The following TUB variants were observed in gnomAD, a reference collection of about 807,000 sequenced individuals.
The protein encoded by TUB is tubby protein homolog.
A neutral mutation model predicts 59.7 loss-of-function variants in TUB; 33 were observed. That is an observed-to-expected ratio of 0.55 (90% CI 0.42 to 0.74). The LOEUF is 0.74. Among genes scored for constraint, TUB ranks in the 30% least tolerant of loss-of-function variants. TUB has a pLI of 0.00. For missense variants in TUB, 659 were observed against 672.0 expected, an observed-to-expected ratio of 0.98 and a Z score of 0.21; for synonymous variants, 293 against 256.4, an observed-to-expected ratio of 1.14 and a Z score of -1.36.
In TUB at chr11:8,103,530, C is replaced by T. The variant is rs528741579; in HGVS notation, c.*1911C>T. 385 of 152,728 alleles carry T rather than the reference C, an allele frequency of 2.5e-3. 1 individual carries two copies. The highest frequency in any genetic ancestry group is 6.8e-3 in the Middle Eastern group (2 of 294). The allele number at this position is 152,728 out of a possible 1,614,324, so 9.5% of individuals were successfully genotyped here. On this transcript the variant is annotated 3_prime_UTR_variant, in exon 12 of 12. Transcript: ENST00000299506. The stretch of plus-strand genomic sequence containing the variant: ...GTTGAATGCTTAAAGCAAGGCATAC[C>T]TGTCCTAGCAGGATCTGCCCACACC...
rs1471563205 is a variant in TUB at position 8,102,369 on chromosome 11, C to A, written c.*750C>A. The A allele has an allele frequency of 6.6e-6, 1 of 152,206 alleles. No homozygotes were observed. The highest frequency in any genetic ancestry group is 1.5e-5 in the Non-Finnish European group (1 of 68,058). 9.4% of individuals were successfully genotyped at this position (152,206 alleles called of 1,614,324 possible). ...GGGCTGTCTTGGTGGATGGGCCCTG[C>A]AAGACACAGGCTCAGCATGCAGAAG... is the stretch of plus-strand genomic sequence containing the variant. On this transcript the variant is annotated 3_prime_UTR_variant, in exon 12 of 12. Coordinates refer to ENST00000299506, the MANE Select transcript of TUB (RefSeq NM_177972.3).
At position 8,063,794 on chromosome 11, in the gene TUB, G is replaced by T. The variant is rs181998483; in HGVS notation, c.203+24102G>T. 9.2e-5 allele frequency among the ~76,000 whole-genome samples: 14 copies of T among 152,244 alleles called. No individual in the cohort carries two copies. The East Asian group carries it at 2.5e-3, about 27-fold the overall frequency. ...CTAGATGGTTCTCCAGAAATATTGA[G>T]CCCGTTTACTGTGACACCAATTATG... On this transcript the variant is annotated intron_variant, in intron 2 of 12. Transcript: ENST00000305253.
chr11:8,090,652 C>G (rs1322319705), intron 3 of TUB, among the ~76,000 whole-genome samples: 1 of 152,188 alleles, frequency 6.6e-6, no homozygotes, highest in African/African-American at 2.4e-5. Flanking sequence ...TTTTCCTTCC[C>G]TCTCTGCACC....
chr11:8,038,113 G>A (rs1391699923), upstream of TUB, among the ~76,000 whole-genome samples: 2 of 152,174 alleles, frequency 1.3e-5, no homozygotes, highest in Non-Finnish European at 1.5e-5. Flanking sequence ...CACTCACAGA[G>A]ACAGAATGTA....
At chr11:8,084,322 G>C (rs962186419) in intron 1 of TUB, among the ~76,000 whole-genome samples, 2 of 152,192 alleles carry the variant, frequency 1.3e-5, no homozygotes, top group Non-Finnish European at 2.9e-5. Context: ...CACATTCTGA[G>C]TTCAAAGGGA....
At position 8,101,053 on chromosome 11, in the gene TUB, G is replaced by A. The variant is rs181436597; in HGVS notation, c.1387+56G>A. The A allele has an allele frequency of 1.9e-3, 3,112 of 1,597,522 alleles. 3 individuals carry two copies. The highest frequency in any genetic ancestry group is 4.1e-3 in the African/African-American group (305 of 74,768). Reference sequence around the variant, plus strand: ...CCGTAGGATACCCAAGGCCCTTAGCGTAGGGTTCAGCCCACCTAGCCCTGC... The same window carrying A: ...CCGTAGGATACCCAAGGCCCTTAGCATAGGGTTCAGCCCACCTAGCCCTGC... On this transcript the variant is annotated intron_variant, in intron 11 of 11. Transcript: ENST00000299506.
chr11:8,099,867 T>C (rs1415612573), intron 9 of TUB, among the ~76,000 whole-genome samples: 3 of 152,112 alleles, frequency 2.0e-5, no homozygotes, highest in African/African-American at 7.2e-5. Flanking sequence ...ATGCCTGGCA[T>C]GAAGAAGGAA....
upstream of TUB, chr11:8,035,312 T>G (rs980294134): frequency 6.6e-6 from 1 of 152,244 alleles, no homozygotes; most frequent in African/African-American, 2.4e-5. Context: ...CATGGACAGT[T>G]TTGCTTTGAT....
chr11:8,025,205 A>G (rs1251547628), intron 1 of TUB, among the ~76,000 whole-genome samples: 2 of 152,214 alleles, frequency 1.3e-5, no homozygotes, highest in Non-Finnish European at 2.9e-5. Flanking sequence ...AGTGCAAAGC[A>G]GAAAAAGCAG....
At chr11:8,044,542 T>G (rs1035339244) in intron 2 of TUB, among the ~76,000 whole-genome samples, 65 of 152,348 alleles carry the variant, frequency 4.3e-4, no homozygotes, top group Non-Finnish European at 2.1e-4. Flanking sequence ...CCCACAACAC[T>G]TCTAACACTA....
intron 2 of TUB, among the ~76,000 whole-genome samples, chr11:8,065,547 A>G (rs1278341785): frequency 6.6e-6 from 1 of 152,182 alleles, no homozygotes; most frequent in Admixed American, 6.5e-5. Flanking sequence ...ATAATACATG[A>G]CAGCACTCAG....
At chr11:8,083,198 C>G (rs952492729) in intron 1 of TUB, among the ~76,000 whole-genome samples, 1 of 152,162 alleles carries the variant, frequency 6.6e-6, no homozygotes, top group African/African-American at 2.4e-5. Flanking sequence ...CTGGGCGGTG[C>G]TTGTGGGCTG....
chr11:8,089,947 C>T, intron 2 of TUB, 122 bp from the exon 3 acceptor site: 2 of 1,387,486 alleles, frequency 1.4e-6, no homozygotes, highest in African/African-American at 1.5e-5. Flanking sequence ...TCCTGGACCC[C>T]AAGTGTTGGG....
chr11:8,029,891 T>C (rs1409631756), intron 1 of TUB, among the ~76,000 whole-genome samples: 1 of 152,156 alleles, frequency 6.6e-6, no homozygotes, highest in African/African-American at 2.4e-5. Context: ...GAGGCTCTGC[T>C]TTGTTTTAGA....
chr11:8,083,413 T>C (rs1363315610), intron 1 of TUB, among the ~76,000 whole-genome samples: 2 of 152,204 alleles, frequency 1.3e-5, no homozygotes, highest in African/African-American at 2.4e-5. Flanking sequence ...AAGCCACTTG[T>C]AGAGAGTGTG....
chr11:8,070,438 A>C (rs1472912799), intron 2 of TUB, among the ~76,000 whole-genome samples: 1 of 152,182 alleles, frequency 6.6e-6, no homozygotes, highest in African/African-American at 2.4e-5. Flanking sequence ...TAATTTTTTT[A>C]TAGAAATGTT....
At chr11:8,069,484 T>C (rs1290579859) in intron 2 of TUB, 1 of 152,142 alleles carries the variant, frequency 6.6e-6, no homozygotes, top group Non-Finnish European at 1.5e-5. Flanking sequence ...TTTCTTCCAT[T>C]GACGTTTCAC....
chr11:8,039,772 C>G (rs558568517), intron 2 of TUB: 2 of 1,282,160 alleles, frequency 1.6e-6, no homozygotes, highest in African/African-American at 1.5e-5. Context: ...GGGCGGAAGA[C>G]GTGGGTGGCT....
chr11:8,026,588 A>C (rs953912717), intron 1 of TUB, among the ~76,000 whole-genome samples: 2 of 151,794 alleles, frequency 1.3e-5, no homozygotes, highest in African/African-American at 4.8e-5. Flanking sequence ...ATTGTTTGTA[A>C]GTTTATACTC....
Sources: gnomAD v4.1 joint callset for allele counts (sites outside exome capture counted in the v4.1 genomes callset) on GRCh38, gnomAD v4.1.1 for gene constraint, MANE v1.5 for transcripts, NCBI Gene and HGNC (gene_info 2026-07-23, HGNC 2026-07-21) for gene names.